The following ALK variants were observed in gnomAD, a reference collection of about 807,000 sequenced individuals.
The protein encoded by ALK is ALK receptor tyrosine kinase.
A neutral mutation model predicts 163.1 loss-of-function variants in ALK; 74 were observed. That is an observed-to-expected ratio of 0.45 (90% CI 0.38 to 0.55). The LOEUF (loss-of-function observed/expected upper bound fraction) is 0.55. Among genes scored for constraint, ALK ranks in the 20% least tolerant of loss-of-function variants. ALK has a pLI of 0.00. For missense variants in ALK, 2,063 were observed against 2,105.3 expected (o/e 0.98, Z 0.39); for synonymous variants, 960 against 843.2 (o/e 1.14, Z -2.40).
At chr2:29,824,388 A>G (rs1276596569) in intron 1 of ALK, among the ~76,000 whole-genome samples, 1 of 152,222 alleles carries the variant, frequency 6.6e-6, no homozygotes, top group Non-Finnish European at 1.5e-5. Context: ...ACTGTCCTCC[A>G]GGCCCCAGAA....
intron 4 of ALK, among the ~76,000 whole-genome samples, chr2:29,403,709 CAAAAAAAAAAAAAAAAAA>C (rs67270103): frequency 1.3e-5 from 1 of 74,184 alleles, no homozygotes; most frequent in African/African-American, 6.1e-5. Context: ...CAGGTCTCTA[CAAAAAAAAAAAAAAAAAA>C]AAAAAAAAAA....
chr2:29,636,947 G>C lies in ALK; in HGVS notation c.952+57903C>G, dbSNP rs547136429. Among the ~76,000 whole-genome samples the C allele has an allele frequency of 2.6e-5, 4 of 152,240 alleles. No individual in the cohort carries two copies. In the South Asian group the frequency reaches 8.3e-4, roughly 32 times the overall value. ...ATAAAAAATGACAACACCAAATACT[G>C]ATAAGGATTCAGAGAAACTACATCA... is the stretch of plus-strand genomic sequence containing the variant. On this transcript the variant is annotated intron_variant, in intron 3 of 28. Coordinates refer to ENST00000389048, the MANE Select transcript of ALK (RefSeq NM_004304.5).
intron 1 of ALK, among the ~76,000 whole-genome samples, chr2:29,859,041 A>AACAAACAC (rs1659990858): frequency 6.6e-6 from 1 of 151,798 alleles, no homozygotes; most frequent in African/African-American, 2.4e-5. Context: ...TCAAAAAACA[A>AACAAACAC]ACAAACAAAC....
chr2:29,361,403 C>T (rs1279748136), intron 5 of ALK, among the ~76,000 whole-genome samples: 1 of 152,220 alleles, frequency 6.6e-6, no homozygotes, highest in African/African-American at 2.4e-5. Context: ...CTGTCACCTT[C>T]CTCCCCATAA....
intron 4 of ALK, among the ~76,000 whole-genome samples, chr2:29,396,982 G>A (rs1426488552): frequency 1.3e-5 from 2 of 151,812 alleles, no homozygotes; most frequent in African/African-American, 4.8e-5. Flanking sequence ...CCCTGTCTGA[G>A]AAGTTTTTGG....
chr2:29,222,444 G>A (rs772287359), intron 21 of ALK, 36 bp from the exon 22 acceptor site: 1 of 1,613,282 alleles, frequency 6.2e-7, no homozygotes, highest in South Asian at 1.1e-5. Context: ...AGGAGGAGGA[G>A]GCTGTGAGCT....
intron 1 of ALK, among the ~76,000 whole-genome samples, chr2:29,760,813 G>A (rs1252166190): frequency 2.6e-5 from 4 of 152,288 alleles, no homozygotes; most frequent in African/African-American, 7.2e-5. Context: ...AAAACCTATA[G>A]TAAAACCAGG....
At chr2:29,726,983 T>G (rs1489483660) in intron 1 of ALK, among the ~76,000 whole-genome samples, 1 of 152,202 alleles carries the variant, frequency 6.6e-6, no homozygotes, top group African/African-American at 2.4e-5. Flanking sequence ...ATGATTCTCC[T>G]GGGGAACAGG....
intron 2 of ALK, among the ~76,000 whole-genome samples, chr2:29,710,979 T>C (rs1309785014): frequency 3.9e-5 from 6 of 152,206 alleles, no homozygotes; most frequent in South Asian, 2.1e-4. Context: ...TCTAGATGTC[T>C]TGGTCAACAT....
At chr2:29,593,300 T>A (rs1675114714) in intron 3 of ALK, among the ~76,000 whole-genome samples, 1 of 152,098 alleles carries the variant, frequency 6.6e-6, no homozygotes, top group Admixed American at 6.5e-5. Flanking sequence ...TGGAGATGAT[T>A]TCCAGTATCT....
At chr2:29,695,530 T>C (rs929088142) in intron 2 of ALK, among the ~76,000 whole-genome samples, 14 of 152,176 alleles carry the variant, frequency 9.2e-5, no homozygotes, top group African/African-American at 3.1e-4. Context: ...GAACATGTAA[T>C]GTATGTGCGG....
At chr2:29,321,589 T>A (rs997568654) in intron 6 of ALK, among the ~76,000 whole-genome samples, 1 of 152,228 alleles carries the variant, frequency 6.6e-6, no homozygotes, top group Non-Finnish European at 1.5e-5. Flanking sequence ...GGTCTCTCTG[T>A]TCCCTTGCTG....
chr2:29,489,644 T>C (rs532880901), intron 4 of ALK, among the ~76,000 whole-genome samples: 1 of 152,274 alleles, frequency 6.6e-6, no homozygotes, highest in African/African-American at 2.4e-5. Context: ...CTGCCCCAAA[T>C]AGCAAAGCAT....
At chr2:29,747,034 C>T (rs1371449042) in intron 1 of ALK, among the ~76,000 whole-genome samples, 1 of 152,166 alleles carries the variant, frequency 6.6e-6, no homozygotes, top group Non-Finnish European at 1.5e-5. Flanking sequence ...TTCTCAAAGC[C>T]CTTGGCAATG....
chr2:29,230,559 T>G (rs995208084), intron 15 of ALK, among the ~76,000 whole-genome samples: 6 of 151,580 alleles, frequency 4.0e-5, no homozygotes, highest in Non-Finnish European at 7.4e-5. Flanking sequence ...GACCTGTAGG[T>G]GGGATGACTG....
At chr2:29,685,772 G>A (rs1678219326) in intron 3 of ALK, among the ~76,000 whole-genome samples, 1 of 152,156 alleles carries the variant, frequency 6.6e-6, no homozygotes, top group Non-Finnish European at 1.5e-5. Context: ...ATTATCTTTT[G>A]GTTCTGCAGG....
chr2:29,828,721 T>G (rs1665273983), intron 1 of ALK, among the ~76,000 whole-genome samples: 2 of 152,114 alleles, frequency 1.3e-5, no homozygotes, highest in South Asian at 2.1e-4. Context: ...TTGGTGGGAC[T>G]GTAAACTAGT....
At chr2:29,906,239 A>G (rs1213465236) in intron 1 of ALK, among the ~76,000 whole-genome samples, 1 of 152,208 alleles carries the variant, frequency 6.6e-6, no homozygotes, top group Non-Finnish European at 1.5e-5. Flanking sequence ...AGCATGTATC[A>G]TCATTTCTCA....
chr2:29,865,181 G>A (rs1666400586), intron 1 of ALK, among the ~76,000 whole-genome samples: 1 of 152,208 alleles, frequency 6.6e-6, no homozygotes, highest in South Asian at 2.1e-4. Flanking sequence ...CTCTGGGCAT[G>A]TGTCCTCCAT....
Sources: allele counts gnomAD v4.1 joint callset (sites outside exome capture counted in the v4.1 genomes callset), GRCh38; gene constraint gnomAD v4.1.1; transcripts MANE v1.5; gene names NCBI Gene and HGNC (gene_info 2026-07-23, HGNC 2026-07-21).